ATP2C1: variants seen among roughly 807,000 people sequenced by gnomAD.
ATP2C1 encodes ATPase secretory pathway Ca2+ transporting 1.
In ATP2C1, 31 loss-of-function variants were observed where a neutral mutation model predicts 120.5. The observed-to-expected ratio is 0.26, with a 90% CI of 0.19 to 0.35. The LOEUF (loss-of-function observed/expected upper bound fraction) is 0.35. Ranked by LOEUF, ATP2C1 falls within the 10% of genes least tolerant of loss-of-function variation. ATP2C1 has a pLI of 1.00. For missense variants in ATP2C1, 731 were observed against 1,107.5 expected, an observed-to-expected ratio of 0.66 and a Z score of 4.83; for synonymous variants, 351 against 358.7, an observed-to-expected ratio of 0.98 and a Z score of 0.24.
intron 3 of ATP2C1, 90 bp downstream of exon 3, chr3:130,930,616 C>T (rs1206115741): frequency 1.2e-6 from 1 of 863,340 alleles, no homozygotes; most frequent in Non-Finnish European, 2.0e-6. Context: ...TACTTTTCTT[C>T]AGTGATAGAA....
At chr3:130,960,397 C>G (rs1016714481) in intron 12 of ATP2C1, among the ~76,000 whole-genome samples, 3 of 152,118 alleles carry the variant, frequency 2.0e-5, no homozygotes, top group Non-Finnish European at 4.4e-5. Context: ...ATCTCGTGTT[C>G]TATGAGAGAC....
At position 130,916,670 on chromosome 3, in the gene ATP2C1, G is replaced by T. The variant is rs147967348; in HGVS notation, c.7-13746G>T. On this transcript the variant is annotated intron_variant, in intron 2 of 27. Coordinates refer to ENST00000510168, the MANE Select transcript of ATP2C1 (RefSeq NM_001378687.1). Reference sequence around the variant, plus strand: ...CAAGTTCCCTGATTAATGAAGTGGAGGACTGTTTGAATCTTTAATGTCTTA... The same window carrying T: ...CAAGTTCCCTGATTAATGAAGTGGATGACTGTTTGAATCTTTAATGTCTTA... Among the ~76,000 whole-genome samples, 114 of 152,150 alleles carry T rather than the reference G, an allele frequency of 7.5e-4. 1 individual carries two copies. In the East Asian group the frequency reaches 0.019, roughly 25 times the overall value.
chr3:130,938,812 A>T (rs2059779223), intron 6 of ATP2C1, among the ~76,000 whole-genome samples: 1 of 152,212 alleles, frequency 6.6e-6, no homozygotes, highest in Non-Finnish European at 1.5e-5. Context: ...CTTCAGAAGG[A>T]TTCCTGCAAA....
chr3:130,950,876 T>TA (rs34848553), intron 8 of ATP2C1, among the ~76,000 whole-genome samples: 7,002 of 150,578 alleles, frequency 0.047, 527 homozygotes, highest in African/African-American at 0.16. Context: ...AACAACAGAT[T>TA]AAAAAAAAAA....
At chr3:130,893,718 A>C (rs2069293869), upstream of ATP2C1, among the ~76,000 whole-genome samples, 1 of 152,030 alleles carries the variant, frequency 6.6e-6, no homozygotes. Context: ...CGGCCGCCCC[A>C]CGGGAATGCG....
rs2059725563 is a variant in ATP2C1 at position 130,937,553 on chromosome 3, G to A, written c.360+90G>A. The A allele has an allele frequency of 4.9e-6, 5 of 1,026,092 alleles. No individual in the cohort carries two copies. The South Asian group carries it at 6.4e-5, about 13-fold the overall frequency. 63.6% of individuals were successfully genotyped at this position (1,026,092 alleles called of 1,614,324 possible). A position where few individuals can be genotyped will look rare whatever the true frequency, so the allele number is the denominator to read the frequency against. On this transcript the variant is annotated intron_variant, in intron 6 of 27. Transcript: ENST00000510168. ...TGGTAGAACCTACCGTTATTGGGGG[G>A]TTGTAATGCCCATCAGAACAACTTA...
chr3:130,914,043 A>T (rs978307047), intron 2 of ATP2C1, among the ~76,000 whole-genome samples: 12 of 151,650 alleles, frequency 7.9e-5, no homozygotes, highest in African/African-American at 2.7e-4. Context: ...TAACGGGCAA[A>T]CCTGCTCTTT....
intron 23 of ATP2C1, among the ~76,000 whole-genome samples, chr3:130,996,449 T>C (rs1448555842): frequency 6.6e-6 from 1 of 152,224 alleles, no homozygotes; most frequent in East Asian, 1.9e-4. Flanking sequence ...GTTGAAACTA[T>C]CATGCAGATG....
chr3:130,937,408 AG>A lies in ATP2C1; in HGVS notation c.325-19del. On this transcript the variant is annotated intron_variant, in intron 5 of 27. Transcript: ENST00000510168. ...TTCTCAAGTTAATGTCTGATTTAAA[AG>A]CCTGTTTCTTTTGTTTAGGCAATAC... 1 of 1,610,054 alleles carries A rather than the reference AG, an allele frequency of 6.2e-7. No individual in the cohort carries two copies.
chr3:130,874,420 C>T (rs1334627872), intron 1 of ATP2C1, among the ~76,000 whole-genome samples: 1 of 152,182 alleles, frequency 6.6e-6, no homozygotes, highest in Non-Finnish European at 1.5e-5. Context: ...TCGCCTTTAA[C>T]ATTTTAAGTA....
At chr3:131,001,104 GAAAA>G (rs11403338) in intron 27 of ATP2C1, 112 bp from the exon 28 acceptor site, 148 of 340,658 alleles carry the variant, frequency 4.3e-4, no homozygotes, top group East Asian at 6.8e-4. Context: ...CTTCATCTCA[GAAAA>G]AAAAAAAAAA....
chr3:130,989,962 T>C (rs371596133), intron 20 of ATP2C1, among the ~76,000 whole-genome samples: 12 of 152,208 alleles, frequency 7.9e-5, no homozygotes, highest in East Asian at 5.8e-4. Flanking sequence ...TTTTGAACTT[T>C]TTTGAAAGAA....
Position 130,979,438 on chromosome 3 carries a change from CT to C in ATP2C1, c.1741+23del. On this transcript the variant is annotated intron_variant, in intron 19 of 27. Transcript: ENST00000510168. ...GCAATCGGTATAACTAGACTGCTTTCTTTTGTTTTCGATAGTTTTTCTTAAA... is the reference window on the plus strand; with the variant it reads ...GCAATCGGTATAACTAGACTGCTTTCTTTGTTTTCGATAGTTTTTCTTAAA... 2 of 1,611,838 alleles carry C rather than the reference CT, an allele frequency of 1.2e-6. No homozygotes were observed. The highest frequency in any genetic ancestry group is 2.2e-5 in the South Asian group (2 of 91,014).
At chr3:130,968,333 C>T (rs1029702856) in intron 16 of ATP2C1, among the ~76,000 whole-genome samples, 2 of 152,050 alleles carry the variant, frequency 1.3e-5, no homozygotes, top group Non-Finnish European at 2.9e-5. Context: ...TTTTTATGGG[C>T]AGAGACCTCA....
intron 1 of ATP2C1, among the ~76,000 whole-genome samples, chr3:130,874,953 C>T (rs964986553): frequency 1.3e-5 from 2 of 152,174 alleles, no homozygotes; most frequent in Non-Finnish European, 2.9e-5. Context: ...TTAACTTAGA[C>T]TAATGATCTT....
intron 1 of ATP2C1, among the ~76,000 whole-genome samples, chr3:130,872,738 C>T (rs542158674): frequency 2.6e-5 from 4 of 152,208 alleles, no homozygotes; most frequent in Admixed American, 2.0e-4. Flanking sequence ...GCACCTACCA[C>T]CACACCTGGC....
At chr3:130,933,709 G>A (rs2059549557) in intron 4 of ATP2C1, among the ~76,000 whole-genome samples, 1 of 152,172 alleles carries the variant, frequency 6.6e-6, no homozygotes, top group Admixed American at 6.5e-5. Context: ...TGGGCCTTAT[G>A]CCTAAAGATT....
rs118117248 is a variant in ATP2C1 at position 130,999,065 on chromosome 3, T to C, written c.2488-453T>C. ...TCTGAGTACAGCGAATTCTCACTAA[T>C]TGACCAATTTTTGAAGAAGCTGTAA... is the stretch of plus-strand genomic sequence containing the variant. On this transcript the variant is annotated intron_variant, in intron 26 of 27. Transcript: ENST00000510168. 2.2e-3 allele frequency among the ~76,000 whole-genome samples: 341 copies of C among 152,336 alleles called. 6 individuals carry two copies. In the East Asian group the frequency reaches 0.055, roughly 25 times the overall value.
intron 22 of ATP2C1, 81 bp from the exon 23 acceptor site, chr3:130,995,962 A>G: frequency 1.0e-6 from 1 of 976,388 alleles, no homozygotes; most frequent in East Asian, 2.4e-5. Context: ...TATTTTCAAA[A>G]TTAGCTCTAC....
Sources: allele counts gnomAD v4.1 joint callset (sites outside exome capture counted in the v4.1 genomes callset), GRCh38; gene constraint gnomAD v4.1.1; transcripts MANE v1.5; gene names NCBI Gene and HGNC (gene_info 2026-07-23, HGNC 2026-07-21).